Variants in ERC2 observed in about 807,000 individuals in gnomAD.
ERC2 encodes ERC protein 2.
Under a neutral mutation model 114.8 loss-of-function variants are expected in ERC2, and 42 were observed. The observed-to-expected ratio is 0.37, with a 90% CI of 0.29 to 0.47. The LOEUF (loss-of-function observed/expected upper bound fraction) is 0.47. ERC2 is among the 20% of genes least tolerant of loss of function. The pLI, the probability that ERC2 is intolerant of heterozygous loss-of-function variation, is 0.99. For missense variants in ERC2, 939 were observed against 1,150.7 expected (o/e 0.82, Z 2.66); for synonymous variants, 454 against 425.5 (o/e 1.07, Z -0.82).
intron 6 of ERC2, among the ~76,000 whole-genome samples, chr3:56,109,445 C>T (rs1466248476): frequency 1.3e-5 from 2 of 152,092 alleles, no homozygotes; most frequent in Non-Finnish European, 2.9e-5. Flanking sequence ...AGGTTGATTC[C>T]ATGTCTTTGC....
intron 7 of ERC2, among the ~76,000 whole-genome samples, chr3:56,071,947 A>T (rs1279578718): frequency 6.6e-6 from 1 of 152,214 alleles, no homozygotes; most frequent in African/African-American, 2.4e-5. Flanking sequence ...AAAGTCACCA[A>T]GATGTTTTTT....
chr3:56,276,106 C>G (rs2053972592), intron 3 of ERC2, among the ~76,000 whole-genome samples: 1 of 152,298 alleles, frequency 6.6e-6, no homozygotes, highest in Non-Finnish European at 1.5e-5. Context: ...TGCCATGTAA[C>G]TGATAGCTGG....
At chr3:55,637,006 G>T (rs562385973) in intron 17 of ERC2, among the ~76,000 whole-genome samples, 1 of 152,266 alleles carries the variant, frequency 6.6e-6, no homozygotes, top group Non-Finnish European at 1.5e-5. Context: ...CCATTGCCAG[G>T]ACCTGTTGTG....
At chr3:55,836,554 T>G (rs911071050) in intron 14 of ERC2, among the ~76,000 whole-genome samples, 8 of 152,184 alleles carry the variant, frequency 5.3e-5, no homozygotes, top group Non-Finnish European at 1.2e-4. Flanking sequence ...TAGCCATATG[T>G]AGAAAGCTGA....
intron 14 of ERC2, among the ~76,000 whole-genome samples, chr3:55,844,609 T>C (rs958293884): frequency 1.3e-5 from 2 of 152,206 alleles, no homozygotes; most frequent in Non-Finnish European, 2.9e-5. Flanking sequence ...TAGACATTAG[T>C]TACATGGGTG....
At chr3:55,949,496 GA>G (rs370695135) in intron 13 of ERC2, among the ~76,000 whole-genome samples, 51 of 148,532 alleles carry the variant, frequency 3.4e-4, no homozygotes, top group African/African-American at 1.0e-3. Context: ...ACAGAGAAAG[GA>G]AAAAAAAAAT....
intron 17 of ERC2, among the ~76,000 whole-genome samples, chr3:55,663,623 C>T (rs1161421694): frequency 3.3e-5 from 5 of 152,206 alleles, no homozygotes; most frequent in Admixed American, 2.0e-4. Flanking sequence ...CCCTTCCTTT[C>T]GGAGGGCAAG....
intron 2 of ERC2, among the ~76,000 whole-genome samples, chr3:56,326,275 C>T (rs1034333209): frequency 6.6e-6 from 1 of 152,158 alleles, no homozygotes; most frequent in Non-Finnish European, 1.5e-5. Context: ...AGGAAGAGTG[C>T]GGAAAGCAGA....
intron 14 of ERC2, among the ~76,000 whole-genome samples, chr3:55,843,055 C>G (rs1286900911): frequency 2.0e-5 from 3 of 152,142 alleles, no homozygotes; most frequent in African/African-American, 4.8e-5. Flanking sequence ...ATTTAGCTGG[C>G]CTGTGGTATA....
intron 14 of ERC2, among the ~76,000 whole-genome samples, chr3:55,843,917 C>T (rs189507329): frequency 1.7e-3 from 263 of 152,226 alleles, no homozygotes; most frequent in Non-Finnish European, 2.7e-3. Flanking sequence ...TGCTGGGCTT[C>T]GTAAATTGGA....
chr3:56,334,350 G>C (rs1372472033), intron 2 of ERC2, among the ~76,000 whole-genome samples: 1 of 152,206 alleles, frequency 6.6e-6, no homozygotes, highest in African/African-American at 2.4e-5. Flanking sequence ...GGAGACCAGT[G>C]AAGGCAGAAA....
chr3:55,593,089 C>T (rs2057973118), intron 17 of ERC2, among the ~76,000 whole-genome samples: 1 of 152,190 alleles, frequency 6.6e-6, no homozygotes, highest in Non-Finnish European at 1.5e-5. Context: ...TGTGAGAGCA[C>T]AATGATAGGT....
At chr3:55,558,339 A>G (rs2055766178) in intron 17 of ERC2, among the ~76,000 whole-genome samples, 1 of 152,232 alleles carries the variant, frequency 6.6e-6, no homozygotes, top group South Asian at 2.1e-4. Context: ...AAAAGAACCC[A>G]GAGTGGGGAA....
intron 6 of ERC2, among the ~76,000 whole-genome samples, chr3:56,089,932 A>G (rs1216100409): frequency 6.6e-6 from 1 of 152,166 alleles, no homozygotes; most frequent in African/African-American, 2.4e-5. Context: ...GAAGTTGTAC[A>G]GCTGTGATGT....
At chr3:56,336,961 C>T (rs1432662663) in intron 2 of ERC2, among the ~76,000 whole-genome samples, 2 of 152,178 alleles carry the variant, frequency 1.3e-5, no homozygotes, top group Non-Finnish European at 2.9e-5. Flanking sequence ...AACCTAACTC[C>T]TGTTAGAAAA....
chr3:55,986,117 G>C, intron 11 of ERC2, 129 bp from the exon 12 acceptor site: 1 of 893,668 alleles, frequency 1.1e-6, no homozygotes, highest in Non-Finnish European at 1.7e-6. Flanking sequence ...ATATCAGCAG[G>C]TTTATAACTA....
intron 2 of ERC2, among the ~76,000 whole-genome samples, chr3:56,352,736 A>G (rs2058599861): frequency 6.6e-6 from 1 of 152,142 alleles, no homozygotes; most frequent in African/African-American, 2.4e-5. Context: ...CTGAAGTTCA[A>G]CTGGGGAAGG....
At chr3:56,177,584 A>T (rs1217036434) in intron 3 of ERC2, among the ~76,000 whole-genome samples, 1 of 152,170 alleles carries the variant, frequency 6.6e-6, no homozygotes, top group Non-Finnish European at 1.5e-5. Context: ...TGCAAGCAAA[A>T]TGGTGTGCAC....
rs140418039 is a variant in ERC2 at position 56,366,165 on chromosome 3, G to A, written c.657+68186C>T. Among the ~76,000 whole-genome samples, 227 of 152,228 alleles carry A rather than the reference G, an allele frequency of 1.5e-3. 2 individuals are homozygous for A. The South Asian group carries it at 0.015, about 10-fold the overall frequency. ...AAGATACTCTGCTTCTAGTTAGCCC[G>A]CCTCCAGCTTCCTCATGCCAGCAAC... On this transcript the variant is annotated intron_variant, in intron 2 of 17. Coordinates refer to ENST00000288221, the MANE Select transcript of ERC2 (RefSeq NM_015576.3).
Sources: gnomAD v4.1 joint callset for allele counts (sites outside exome capture counted in the v4.1 genomes callset) on GRCh38, gnomAD v4.1.1 for gene constraint, MANE v1.5 for transcripts, NCBI Gene and HGNC (gene_info 2026-07-23, HGNC 2026-07-21) for gene names.